The following PPL variants were observed in gnomAD, a reference collection of about 807,000 sequenced individuals.
PPL encodes periplakin.
Under a neutral mutation model 194.4 loss-of-function variants are expected in PPL, and 198 were observed. The ratio of observed to expected loss-of-function variants is 1.02; its 90% confidence interval spans 0.91 to 1.15. The LOEUF (loss-of-function observed/expected upper bound fraction) is 1.15, where lower values mean the gene tolerates loss of function less well. Ranked by LOEUF, PPL falls within the 50% of genes most tolerant of loss-of-function variation. The probability of loss-of-function intolerance (pLI) is 0.00; values close to 1 mark genes in which losing one functional copy is unlikely to be tolerated. For synonymous variants in PPL, 1,220 were observed against 972.4 expected, an observed-to-expected ratio of 1.25 and a Z score of -4.74; for missense variants, 2,885 against 2,294.8, an observed-to-expected ratio of 1.26 and a Z score of -5.25.
chr16:4,883,103 G>T lies in PPL; in HGVS notation c.*281C>A. On this transcript the variant is annotated 3_prime_UTR_variant, in exon 22 of 22. Transcript: ENST00000345988. The surrounding 1 kb of genome is among the most constrained non-coding windows in gnomAD (Gnocchi z 4.8). ...GTGCAGTTATCATGAGGAGTTTGTT[G>T]CTGGGAGTGTACAGGAAAAGGGAGG... 1 of 424,210 alleles carries T rather than the reference G, an allele frequency of 2.4e-6. No individual in the cohort carries two copies. The highest frequency in any genetic ancestry group is 4.3e-6 in the Non-Finnish European group (1 of 231,720). 26.3% of individuals were successfully genotyped at this position (424,210 alleles called of 1,614,324 possible). A position where few individuals can be genotyped will look rare whatever the true frequency, so the allele number is the denominator to read the frequency against.
At chr16:4,915,815 C>A (rs539629255) in intron 1 of PPL, among the ~76,000 whole-genome samples, 1 of 152,258 alleles carries the variant, frequency 6.6e-6, no homozygotes, top group East Asian at 1.9e-4. Context: ...TTATTATCCC[C>A]GTTTATGGGT....
At chr16:4,923,408 G>A (rs1358142769) in intron 1 of PPL, among the ~76,000 whole-genome samples, 2 of 152,168 alleles carry the variant, frequency 1.3e-5, no homozygotes, top group Non-Finnish European at 2.9e-5. Flanking sequence ...AAGAGTTGGG[G>A]AGATATGCTT....
At chr16:4,897,201 G>A (rs960320833) in intron 9 of PPL, among the ~76,000 whole-genome samples, 5 of 151,424 alleles carry the variant, frequency 3.3e-5, no homozygotes, top group Non-Finnish European at 5.9e-5. Flanking sequence ...TGGGTGTGGT[G>A]GTGGGCACTT....
At chr16:4,909,755 G>A (rs1366837702) in intron 2 of PPL, among the ~76,000 whole-genome samples, 1 of 152,140 alleles carries the variant, frequency 6.6e-6, no homozygotes, top group Non-Finnish European at 1.5e-5. Flanking sequence ...AGTCGCCCCT[G>A]CATAGGGATG....
intron 16 of PPL, 23 bp downstream of exon 16, chr16:4,891,788 C>G: frequency 6.3e-7 from 1 of 1,591,582 alleles, no homozygotes; most frequent in Non-Finnish European, 8.5e-7. Flanking sequence ...GAAGGACTCC[C>G]AGGACTTGGG....
At position 4,902,482 on chromosome 16, in the gene PPL, T is replaced by A; in HGVS notation, c.362A>T (p.His121Leu). ...CACCGCCAGCCTGTAGATCTGCTTG[T>A]GTTTCCCGCGCAGGTTGGTCACACG... ...KERVTNLRGK[H>L]KQIYRLAVKE... Residue 121 changes from histidine to leucine, a missense_variant, in exon 4 of 22, where the codon CAC becomes CTC. Coordinates refer to ENST00000345988, the MANE Select transcript of PPL (RefSeq NM_002705.5). This position sits in a 1 kb window ranked among gnomAD's most constrained non-coding sequence, Gnocchi z 4.0. The A allele has an allele frequency of 6.2e-7, 1 of 1,613,946 alleles. No individual in the cohort carries two copies. Among genetic ancestry groups the A allele is most frequent in the Non-Finnish European group, 8.5e-7 (1 of 1,179,918 alleles).
intron 4 of PPL, among the ~76,000 whole-genome samples, chr16:4,901,543 G>A (rs2088570847): frequency 6.6e-6 from 1 of 152,040 alleles, no homozygotes; most frequent in African/African-American, 2.4e-5. Flanking sequence ...CAAAAAATTA[G>A]CCAGGTGTGG....
In PPL at chr16:4,884,107, G is replaced by T. The variant is rs2088161134; in HGVS notation, c.4548C>A (p.Ile1516=). The T allele has an allele frequency of 1.2e-6, 2 of 1,613,156 alleles. No individual in the cohort carries two copies. Among genetic ancestry groups the T allele is most frequent in the South Asian group, 1.1e-5 (1 of 91,070 alleles). The change falls in exon 22 of 22, where the codon ATC becomes ATA. Residue 1516 remains isoleucine (I), a synonymous_variant. Transcript: ENST00000345988. The surrounding 1 kb of genome is among the most constrained non-coding windows in gnomAD (Gnocchi z 5.7). ...QVEKGDTEQE[I]QRLKSSLEEE... ...CCTCCAGGCTGCTCTTGAGCCTCTG[G>T]ATCTCTTGCTCGGTGTCGCCCTTCT...
At chr16:4,925,596 G>C (rs752936012) in intron 1 of PPL, among the ~76,000 whole-genome samples, 3 of 152,174 alleles carry the variant, frequency 2.0e-5, no homozygotes, top group Non-Finnish European at 2.9e-5. Flanking sequence ...ACCTTGCGTA[G>C]GGCTGGGCTC....
At chr16:4,891,301 G>A (rs374170969) in intron 16 of PPL, 42 of 181,008 alleles carry the variant, frequency 2.3e-4, no homozygotes, top group Non-Finnish European at 3.7e-4. Context: ...AAGGGGGCCC[G>A]TGGCAACTGC....
In PPL at chr16:4,887,042, C is replaced by G. The variant is rs2088229913; in HGVS notation, c.2607+93G>C. 9 of 1,082,588 alleles carry G rather than the reference C, an allele frequency of 8.3e-6. 1 individual carries two copies. In the East Asian group the frequency reaches 2.1e-4, roughly 26 times the overall value. 67.1% of individuals were successfully genotyped at this position (1,082,588 alleles called of 1,614,324 possible). ...CAGAAACGTTAGCAAGGGGACACTT[C>G]CATCAATTCACAAACCATTTCTCTA... On this transcript the variant is annotated intron_variant, in intron 21 of 21. Coordinates refer to ENST00000345988, the MANE Select transcript of PPL (RefSeq NM_002705.5).
intron 2 of PPL, among the ~76,000 whole-genome samples, chr16:4,905,346 A>G (rs977688876): frequency 2.0e-5 from 3 of 152,216 alleles, no homozygotes; most frequent in African/African-American, 7.2e-5. Flanking sequence ...CAGAGCCCAC[A>G]TGGTGTGGGA....
chr16:4,924,507 G>A (rs2089119500), intron 1 of PPL, among the ~76,000 whole-genome samples: 1 of 152,098 alleles, frequency 6.6e-6, no homozygotes, highest in Non-Finnish European at 1.5e-5. Flanking sequence ...AGTCTCACTC[G>A]GTGCCTGGTA....
At chr16:4,930,525 T>A (rs139864642) in intron 1 of PPL, among the ~76,000 whole-genome samples, 3 of 152,204 alleles carry the variant, frequency 2.0e-5, no homozygotes, top group African/African-American at 7.2e-5. Flanking sequence ...CAGTCCCCCA[T>A]GGCTTACTCT....
At chr16:4,888,081 C>G (rs780930941) in intron 20 of PPL, 21 bp downstream of exon 20, 1 of 1,585,456 alleles carries the variant, frequency 6.3e-7, no homozygotes, top group African/African-American at 1.3e-5. Flanking sequence ...GTCCCGAGGC[C>G]GCCTGGCCCA....
Position 4,893,297 on chromosome 16 carries a change from C to T in PPL, c.1566G>A (p.Glu522=), listed in dbSNP as rs772707180. Residue 522 remains glutamate (E), a synonymous_variant, in exon 14 of 22, where the codon GAG becomes GAA. Coordinates refer to ENST00000345988, the MANE Select transcript of PPL (RefSeq NM_002705.5). ...DKVASDLDRQ[E]KAITGILRPP... is the part of the protein sequence containing the mutation. ...GCCGCAGGATCCCTGTGATGGCCTT[C>T]TCCTGCCGGTCCAGGTCGCTGGCCA... is the stretch of plus-strand genomic sequence containing the variant. 3.7e-6 allele frequency: 6 copies of T among 1,605,908 alleles called. No individual in the cohort carries two copies. In the South Asian group the frequency reaches 5.5e-5, roughly 15 times the overall value.
At chr16:4,923,611 G>A (rs1044421706) in intron 1 of PPL, among the ~76,000 whole-genome samples, 2 of 152,128 alleles carry the variant, frequency 1.3e-5, no homozygotes, top group South Asian at 2.1e-4. Flanking sequence ...TGCCTGCAGG[G>A]GAGGAAACTG....
intron 2 of PPL, among the ~76,000 whole-genome samples, chr16:4,907,635 T>C (rs1324153251): frequency 1.3e-5 from 2 of 152,036 alleles, no homozygotes. Context: ...ATCGAGGAGA[T>C]GGTTGTGTAA....
chr16:4,885,808 G>T lies in PPL; in HGVS notation c.2847C>A (p.Ser949Arg). Residue 949 changes from serine (S) to arginine (R), a missense_variant, in exon 22 of 22, where the codon AGC becomes AGA. Physicochemically the swap from Ser to Arg is moderately radical, Grantham distance 110. Transcript: ENST00000345988. The surrounding 1 kb of genome is among the most constrained non-coding windows in gnomAD (Gnocchi z 6.3). Reference sequence around the variant, plus strand: ...CCAGCGTCCGCTGCAGCTGCTGGAAGCTCTCCTCCAGCACGGGATCCGGCA... The same window carrying T: ...CCAGCGTCCGCTGCAGCTGCTGGAATCTCTCCTCCAGCACGGGATCCGGCA... Reference protein sequence around the residue: ...KKVPDPVLEESFQQLQRTLAE... With the variant: ...KKVPDPVLEERFQQLQRTLAE... 2 of 1,608,938 alleles carry T rather than the reference G, an allele frequency of 1.2e-6. No homozygotes were observed. The highest frequency in any genetic ancestry group is 1.7e-6 in the Non-Finnish European group (2 of 1,179,988).
Sources: allele counts gnomAD v4.1 joint callset (sites outside exome capture counted in the v4.1 genomes callset), GRCh38; gene constraint gnomAD v4.1.1; non-coding constraint Gnocchi (gnomAD v3.1); transcripts MANE v1.5; gene names NCBI Gene and HGNC (gene_info 2026-07-23, HGNC 2026-07-21).